LMO3: variants seen among roughly 807,000 people sequenced by gnomAD.
The protein encoded by LMO3 is LIM domain only protein 3.
LMO3 carries 2 observed loss-of-function variants against 15.8 expected under a neutral mutation model. The observed-to-expected ratio is 0.13, with a 90% CI of 0.05 to 0.40. The LOEUF is 0.40. Among genes scored for constraint, LMO3 ranks in the 10% least tolerant of loss-of-function variants. LMO3 has a pLI of 0.99. For missense variants in LMO3, 86 were observed against 182.2 expected (o/e 0.47, Z 3.04); for synonymous variants, 62 against 63.8 (o/e 0.97, Z 0.13).
intron 2 of LMO3, chr12:16,600,390 G>T (rs1309514455): frequency 9.1e-6 from 3 of 328,274 alleles, no homozygotes; most frequent in Non-Finnish European, 1.7e-5. Flanking sequence ...TTAACTGGCA[G>T]TTTCAACATA....
At chr12:16,608,441 T>G (rs1944070424), upstream of LMO3, 1 of 152,178 alleles carries the variant, frequency 6.6e-6, no homozygotes, top group Admixed American at 6.5e-5. The surrounding 1 kb of genome is among the most constrained non-coding windows in gnomAD (Gnocchi z 4.1). Context: ...ATCATTCAAC[T>G]AATTAAATGA....
rs1943410396 is a variant in LMO3, at chr12:16,589,017, G to A, written c.206+11638C>T. Among the ~76,000 whole-genome samples, 3 of 152,008 alleles carry A rather than the reference G, an allele frequency of 2.0e-5. No homozygotes were observed. The highest frequency in any genetic ancestry group is 2.9e-5 in the Non-Finnish European group (2 of 67,978). On this transcript the variant is annotated intron_variant, in intron 2 of 3. Coordinates refer to ENST00000537304, the MANE Select transcript of LMO3 (RefSeq NM_018640.5). The surrounding 1 kb of genome is among the most constrained non-coding windows in gnomAD (Gnocchi z 4.2). ...TTCTAGAGAAGAAAACGCAGACTTG[G>A]AGAGGTTGAGTAAGTTGCCTAGGAA...
intron 2 of LMO3, among the ~76,000 whole-genome samples, chr12:16,562,103 T>C (rs183128593): frequency 3.7e-4 from 56 of 152,258 alleles, no homozygotes; most frequent in African/African-American, 1.2e-3. Context: ...TGCTCGAAAA[T>C]GTAATATCTT....
At position 16,587,523 on chromosome 12, in the gene LMO3, C is replaced by G. The variant is rs1480673439; in HGVS notation, c.206+13132G>C. 3.3e-5 allele frequency among the ~76,000 whole-genome samples: 5 copies of G among 151,956 alleles called. No homozygotes were observed. The highest frequency in any genetic ancestry group is 7.4e-5 in the Non-Finnish European group (5 of 67,980). On this transcript the variant is annotated intron_variant, in intron 2 of 3. Coordinates refer to ENST00000537304, the MANE Select transcript of LMO3 (RefSeq NM_018640.5). This position sits in a 1 kb window ranked among gnomAD's most constrained non-coding sequence, Gnocchi z 4.3. ...ACTGTGCCTCTTTTTTAAATAAACCCCTGGCCTTGAGTTTTGGCCCCTTAA... is the reference window on the plus strand; with the variant it reads ...ACTGTGCCTCTTTTTTAAATAAACCGCTGGCCTTGAGTTTTGGCCCCTTAA...
At position 16,603,011 on chromosome 12, in the gene LMO3, G is replaced by A. The variant is rs1276475734; in HGVS notation, c.-8-2143C>T. Among the ~76,000 whole-genome samples, 2 of 149,956 alleles carry A rather than the reference G, an allele frequency of 1.3e-5. No individual in the cohort carries two copies. The highest frequency in any genetic ancestry group is 2.1e-4 in the South Asian group (1 of 4,774). On this transcript the variant is annotated intron_variant, in intron 1 of 3. Transcript: ENST00000537304. This position sits in a 1 kb window ranked among gnomAD's most constrained non-coding sequence, Gnocchi z 4.9. ...AAAATCGAAAAAAAAAAAAATCCCA[G>A]TAGCAGCTAAGTTATATTTCCCACA...
Position 16,585,457 on chromosome 12 carries a change from TTG to T in LMO3, c.206+15196_206+15197del, listed in dbSNP as rs1943290278. Among the ~76,000 whole-genome samples the T allele has an allele frequency of 6.6e-6, 1 of 152,212 alleles. No individual in the cohort carries two copies. The highest frequency in any genetic ancestry group is 2.4e-5 in the African/African-American group (1 of 41,464). ...TCATCCTACACAGTGAGCATAAATG[TTG>T]TTTCAAATATTGTTCCCAAATATTA... On this transcript the variant is annotated intron_variant, in intron 2 of 3. Transcript: ENST00000537304. This position sits in a 1 kb window ranked among gnomAD's most constrained non-coding sequence, Gnocchi z 4.7.
At chr12:16,557,342 T>C (rs1942228391) in intron 3 of LMO3, among the ~76,000 whole-genome samples, 1 of 150,204 alleles carries the variant, frequency 6.7e-6, no homozygotes. Flanking sequence ...TGAAATACTA[T>C]CTTTCATCCC....
At chr12:16,600,308 A>G (rs11057007) in intron 2 of LMO3, 17,458 of 156,182 alleles carry the variant, frequency 0.11, 3,232 homozygotes, top group African/African-American at 0.42. Context: ...AAAAAAAAAA[A>G]AAAAAAAGAA....
intron 3 of LMO3, among the ~76,000 whole-genome samples, chr12:16,556,926 A>G (rs1942213755): frequency 6.6e-6 from 1 of 152,194 alleles, no homozygotes; most frequent in African/African-American, 2.4e-5. Context: ...TGAAGCGAAC[A>G]CAGAAATATA....
At chr12:16,579,343 G>T (rs1481608228) in intron 2 of LMO3, among the ~76,000 whole-genome samples, 1 of 152,166 alleles carries the variant, frequency 6.6e-6, no homozygotes, top group African/African-American at 2.4e-5. Flanking sequence ...GGAGGTCTTT[G>T]GTGAGCCTCA....
chr12:16,605,928 G>T, intron 1 of LMO3, 138 bp downstream of exon 1: 3 of 1,115,448 alleles, frequency 2.7e-6, no homozygotes, highest in Non-Finnish European at 3.9e-6. Context: ...TGCGGAGCTG[G>T]GTTGCAGCTC....
intron 2 of LMO3, among the ~76,000 whole-genome samples, chr12:16,592,090 A>G (rs1360742839): frequency 1.3e-5 from 2 of 152,106 alleles, no homozygotes; most frequent in Non-Finnish European, 2.9e-5. Flanking sequence ...CACAAAAGAA[A>G]GTATGTATAA....
At chr12:16,566,088 G>T (rs1942601570) in intron 2 of LMO3, among the ~76,000 whole-genome samples, 2 of 138,454 alleles carry the variant, frequency 1.4e-5, no homozygotes, top group Admixed American at 7.7e-5. Context: ...CCTGTCATTT[G>T]TGACCACCTG....
At position 16,591,252 on chromosome 12, in the gene LMO3, A is replaced by G. The variant is rs769827232; in HGVS notation, c.206+9403T>C. On this transcript the variant is annotated intron_variant, in intron 2 of 3. Transcript: ENST00000537304. This position sits in a 1 kb window ranked among gnomAD's most constrained non-coding sequence, Gnocchi z 4.1. Reference sequence around the variant, plus strand: ...CTTCAAACATATGAGAAAAACTCCCACCTCAGGGCCTTTGTACTGGATGTT... The same window carrying G: ...CTTCAAACATATGAGAAAAACTCCCGCCTCAGGGCCTTTGTACTGGATGTT... Among the ~76,000 whole-genome samples, 5 of 151,684 alleles carry G rather than the reference A, an allele frequency of 3.3e-5. No individual in the cohort carries two copies. Among genetic ancestry groups the G allele is most frequent in the Non-Finnish European group, 5.9e-5 (4 of 67,880 alleles).
chr12:16,580,475 C>G lies in LMO3; in HGVS notation c.207-19937G>C, dbSNP rs906554153. Among the ~76,000 whole-genome samples the G allele has an allele frequency of 8.5e-5, 13 of 152,224 alleles. No homozygotes were observed. In the South Asian group the frequency reaches 2.7e-3, roughly 32 times the overall value. ...TTAAGAGAAACTTCATAGACATGAC[C>G]ATCAGATGTAAAGTGAAATCTTGGA... On this transcript the variant is annotated intron_variant, in intron 2 of 3. Transcript: ENST00000537304.
Position 16,603,170 on chromosome 12 carries a change from G to C in LMO3, c.-8-2302C>G, listed in dbSNP as rs1429429310. ...CTTCACAAAATGTTTTTGTTGTGTT[G>C]ACATTTTAATTTAGCACTCAGAGGC... On this transcript the variant is annotated intron_variant, in intron 1 of 3. Transcript: ENST00000537304. The surrounding 1 kb of genome is among the most constrained non-coding windows in gnomAD (Gnocchi z 4.9). Among the ~76,000 whole-genome samples, 1 of 152,134 alleles carries C rather than the reference G, an allele frequency of 6.6e-6. No individual in the cohort carries two copies. Among genetic ancestry groups the C allele is most frequent in the East Asian group, 1.9e-4 (1 of 5,204 alleles).
Position 16,576,920 on chromosome 12 carries a change from C to G in LMO3, c.207-16382G>C, listed in dbSNP as rs543644205. On this transcript the variant is annotated intron_variant, in intron 2 of 3. Coordinates refer to ENST00000537304, the MANE Select transcript of LMO3 (RefSeq NM_018640.5). The surrounding 1 kb of genome is among the most constrained non-coding windows in gnomAD (Gnocchi z 4.1). ...TATACCACCCTCCCCACGTTCTTTC[C>G]TAAACTATCTATTTTAGAAATAACC... Among the ~76,000 whole-genome samples the G allele has an allele frequency of 6.6e-6, 1 of 152,260 alleles. No individual in the cohort carries two copies. Among genetic ancestry groups the G allele is most frequent in the South Asian group, 2.1e-4 (1 of 4,830 alleles).
intron 2 of LMO3, among the ~76,000 whole-genome samples, chr12:16,569,874 C>T (rs1478483271): frequency 6.6e-6 from 1 of 152,038 alleles, no homozygotes; most frequent in Non-Finnish European, 1.5e-5. Flanking sequence ...AATATTTTAA[C>T]TATATCTTTA....
intron 2 of LMO3, among the ~76,000 whole-genome samples, chr12:16,565,375 TA>T (rs1418656721): frequency 1.3e-5 from 2 of 152,212 alleles, no homozygotes; most frequent in Non-Finnish European, 2.9e-5. Context: ...CTTTTTCAAC[TA>T]AGGAAGGTAG....
Sources: allele counts gnomAD v4.1 joint callset (sites outside exome capture counted in the v4.1 genomes callset), GRCh38; gene constraint gnomAD v4.1.1; non-coding constraint Gnocchi (gnomAD v3.1); transcripts MANE v1.5; gene names NCBI Gene and HGNC (gene_info 2026-07-23, HGNC 2026-07-21).